Variants in SHANK2 observed in about 807,000 individuals in gnomAD.
The protein encoded by SHANK2 is SH3 and multiple ankyrin repeat domains protein 2.
Under a neutral mutation model 133.7 loss-of-function variants are expected in SHANK2, and 43 were observed. The observed-to-expected ratio is 0.32, with a 90% CI of 0.25 to 0.41. SHANK2 has a LOEUF of 0.41. Among genes scored for constraint, SHANK2 ranks in the 10% least tolerant of loss-of-function variants. The pLI, the probability that SHANK2 is intolerant of heterozygous loss-of-function variation, is 1.00. For synonymous variants in SHANK2, 1,017 were observed against 952.8 expected, an observed-to-expected ratio of 1.07 and a Z score of -1.24; for missense variants, 1,994 against 2,235.8, an observed-to-expected ratio of 0.89 and a Z score of 2.18.
At chr11:71,241,105 T>TAGCTCTGTGCACGGTGAAAGCC (rs1954883419) in intron 1 of SHANK2, among the ~76,000 whole-genome samples, 1 of 152,152 alleles carries the variant, frequency 6.6e-6, no homozygotes, top group Non-Finnish European at 1.5e-5. Flanking sequence ...TGGTGAAAGC[T>TAGCTCTGTGCACGGTGAAAGCC]AGCTCTGTGC....
intron 10 of SHANK2, among the ~76,000 whole-genome samples, chr11:70,925,584 G>T (rs1034191152): frequency 3.3e-5 from 5 of 152,184 alleles, no homozygotes; most frequent in Admixed American, 6.5e-5. Context: ...GCTTGTGTTA[G>T]GTTAAAATAT....
chr11:71,099,545 G>T (rs1459745164), intron 6 of SHANK2, among the ~76,000 whole-genome samples: 1 of 152,192 alleles, frequency 6.6e-6, no homozygotes, highest in Non-Finnish European at 1.5e-5. Context: ...AAATGCTGCT[G>T]CTCAGAGAGG....
Position 70,471,565 on chromosome 11 carries a change from T to C in SHANK2, c.*1304A>G, listed in dbSNP as rs1469797343. 2.5e-6 allele frequency: 1 copy of C among 396,682 alleles called. No homozygotes were observed. Among genetic ancestry groups the C allele is most frequent in the Non-Finnish European group, 4.4e-6 (1 of 225,422 alleles). The allele number at this position is 396,682 out of a possible 1,614,324, so 24.6% of individuals were successfully genotyped here. On this transcript the variant is annotated 3_prime_UTR_variant, in exon 26 of 26. Coordinates refer to ENST00000601538, the MANE Select transcript of SHANK2 (RefSeq NM_012309.5). The surrounding 1 kb of genome is among the most constrained non-coding windows in gnomAD (Gnocchi z 4.1). ...TGCTTTCCTCTCCTCACGCCTCTGC[T>C]TTCACTCTGATCCTGCCGCCCACCT...
chr11:70,746,423 G>A (rs1440911099), intron 14 of SHANK2, among the ~76,000 whole-genome samples: 15 of 147,432 alleles, frequency 1.0e-4, no homozygotes, highest in African/African-American at 3.3e-4. Context: ...CATGCTCACA[G>A]CCCCCATCTC....
intron 11 of SHANK2, among the ~76,000 whole-genome samples, chr11:70,848,664 G>T (rs1306234115): frequency 1.3e-5 from 2 of 152,186 alleles, no homozygotes; most frequent in East Asian, 3.9e-4. Context: ...GCTTTGCAGA[G>T]CAGCCACGGC....
chr11:70,926,372 A>G (rs574059921), intron 10 of SHANK2, among the ~76,000 whole-genome samples: 24 of 152,244 alleles, frequency 1.6e-4, no homozygotes, highest in African/African-American at 5.8e-4. Flanking sequence ...TTGGCTCAGT[A>G]AGCCAAGATG....
rs1946472372 is a variant in SHANK2 at position 70,739,272 on chromosome 11, CCATCTCCACCCATCTCCACT to C, written c.1778-40529_1778-40510del. Among the ~76,000 whole-genome samples, 3 of 152,270 alleles carry C rather than the reference CCATCTCCACCCATCTCCACT, an allele frequency of 2.0e-5. No homozygotes were observed. Among genetic ancestry groups the C allele is most frequent in the Admixed American group, 6.5e-5 (1 of 15,288 alleles). On this transcript the variant is annotated intron_variant, in intron 14 of 25. Coordinates refer to ENST00000601538, the MANE Select transcript of SHANK2 (RefSeq NM_012309.5). The surrounding 1 kb of genome is among the most constrained non-coding windows in gnomAD (Gnocchi z 4.3). ...CCCAGACGCAGACCCGGGGCATCTCCCATCTCCACCCATCTCCACTCATCTCCACCCATCTCCACACATCT... is the reference window on the plus strand; with the variant it reads ...CCCAGACGCAGACCCGGGGCATCTCCCATCTCCACCCATCTCCACACATCT...
rs531658375 is a variant in SHANK2, at chr11:71,160,845, A to G, written c.-12-13507T>C. Among the ~76,000 whole-genome samples, 15 of 152,318 alleles carry G rather than the reference A, an allele frequency of 9.8e-5. No individual in the cohort carries two copies. In the East Asian group the frequency reaches 2.9e-3, roughly 29 times the overall value. On this transcript the variant is annotated intron_variant, in intron 2 of 25. Coordinates refer to ENST00000601538, the MANE Select transcript of SHANK2 (RefSeq NM_012309.5). ...TTCAGCTCCAGCAATGACACCTTAA[A>G]TGACAGTCCACGTTGGCAGCCTTCA...
chr11:70,504,307 A>C (rs2059103990), intron 17 of SHANK2, among the ~76,000 whole-genome samples: 1 of 152,230 alleles, frequency 6.6e-6, no homozygotes, highest in African/African-American at 2.4e-5. Context: ...AGCTGGATAG[A>C]AGCAGGTACT....
chr11:71,081,680 TCA>T (rs1491327453), intron 8 of SHANK2, among the ~76,000 whole-genome samples: 2 of 152,036 alleles, frequency 1.3e-5, no homozygotes, highest in Non-Finnish European at 2.9e-5. Context: ...CTCTGGAGGC[TCA>T]GAGAGAGAGG....
chr11:71,192,990 CT>C (rs1953821922), intron 2 of SHANK2, among the ~76,000 whole-genome samples: 1 of 152,210 alleles, frequency 6.6e-6, no homozygotes, highest in Non-Finnish European at 1.5e-5. Flanking sequence ...ACAGCTTACT[CT>C]TCCTCCTTTA....
At chr11:71,162,419 C>T (rs1361058242) in intron 2 of SHANK2, among the ~76,000 whole-genome samples, 2 of 139,314 alleles carry the variant, frequency 1.4e-5, no homozygotes, top group Non-Finnish European at 3.3e-5. Flanking sequence ...CTCCCAAAGG[C>T]CCCACCTCCA....
chr11:70,557,611 A>G (rs1356659638), intron 17 of SHANK2, among the ~76,000 whole-genome samples: 1 of 151,886 alleles, frequency 6.6e-6, no homozygotes, highest in Non-Finnish European at 1.5e-5. Flanking sequence ...CCAGGGCAAG[A>G]GCTGACAGTG....
chr11:71,118,384 T>C (rs1952019815), intron 4 of SHANK2, among the ~76,000 whole-genome samples: 1 of 152,176 alleles, frequency 6.6e-6, no homozygotes, highest in South Asian at 2.1e-4. Flanking sequence ...CAGTTCCATA[T>C]GGCTGCGGAG....
At chr11:70,478,891 G>T (rs1302688281) in intron 25 of SHANK2, among the ~76,000 whole-genome samples, 1 of 152,218 alleles carries the variant, frequency 6.6e-6, no homozygotes, top group Non-Finnish European at 1.5e-5. Flanking sequence ...AGGCTCCGCG[G>T]CAGTTCCACC....
At chr11:70,597,196 T>C (rs1466081654) in intron 17 of SHANK2, among the ~76,000 whole-genome samples, 1 of 152,092 alleles carries the variant, frequency 6.6e-6, no homozygotes, top group Admixed American at 6.6e-5. Flanking sequence ...CTGGCACTCA[T>C]GCCAGGCTCA....
chr11:70,774,433 C>T (rs1014747109), intron 14 of SHANK2, among the ~76,000 whole-genome samples: 2 of 152,048 alleles, frequency 1.3e-5, no homozygotes, highest in Non-Finnish European at 1.5e-5. Flanking sequence ...AATTCTCCTG[C>T]CTCCACCTCC....
intron 6 of SHANK2, among the ~76,000 whole-genome samples, chr11:71,098,145 A>ATGCCTGCCTGTG (rs1951656705): frequency 1.5e-5 from 2 of 135,786 alleles, no homozygotes; most frequent in African/African-American, 5.7e-5. Flanking sequence ...GCCTGTGTGC[A>ATGCCTGCCTGTG]TGCATGCCTG....
At chr11:70,537,845 G>A (rs1788699889) in intron 17 of SHANK2, among the ~76,000 whole-genome samples, 1 of 152,166 alleles carries the variant, frequency 6.6e-6, no homozygotes, top group Non-Finnish European at 1.5e-5. Flanking sequence ...TGTAGCCGAC[G>A]TCAACCCTGC....
Sources: gnomAD v4.1 joint callset for allele counts (sites outside exome capture counted in the v4.1 genomes callset) on GRCh38, gnomAD v4.1.1 for gene constraint, Gnocchi (gnomAD v3.1) non-coding constraint, MANE v1.5 for transcripts, NCBI Gene and HGNC (gene_info 2026-07-23, HGNC 2026-07-21) for gene names.